The following PAQR5 variants were observed in gnomAD, a reference collection of about 807,000 sequenced individuals.
PAQR5 encodes the protein progestin and adipoQ receptor family member 5.
Under a neutral mutation model 34.5 loss-of-function variants are expected in PAQR5, and 20 were observed. The observed-to-expected ratio is 0.58, with a 90% CI of 0.41 to 0.84. The LOEUF (loss-of-function observed/expected upper bound fraction) is 0.84, where lower values mean the gene tolerates loss of function less well. Among genes scored for constraint, PAQR5 ranks in the 40% least tolerant of loss-of-function variants. The pLI, the probability that PAQR5 is intolerant of heterozygous loss-of-function variation, is 0.00. For synonymous variants in PAQR5, 131 were observed against 155.6 expected (o/e 0.84, Z 1.18); for missense variants, 378 against 412.7 (o/e 0.92, Z 0.73).
intron 6 of PAQR5, 63 bp downstream of exon 6, chr15:69,389,843 TC>T (rs958872021): frequency 5.8e-5 from 91 of 1,563,198 alleles, no homozygotes; most frequent in Non-Finnish European, 7.8e-5. Context: ...CTCCCTGCAC[TC>T]TTTGAGGGAG....
chr15:69,392,215 T>A (rs2056296099), intron 6 of PAQR5: 2 of 157,410 alleles, frequency 1.3e-5, no homozygotes, highest in Admixed American at 1.3e-4. Context: ...TGACCTCAGA[T>A]GATCCACTCT....
chr15:69,300,661 T>C (rs2053536882), intron 1 of PAQR5, among the ~76,000 whole-genome samples: 3 of 25,958 alleles, frequency 1.2e-4, no homozygotes, highest in African/African-American at 2.9e-4. Context: ...TTTCTTTCTT[T>C]CTTTCATTCT....
intron 1 of PAQR5, among the ~76,000 whole-genome samples, chr15:69,317,534 T>C (rs921394152): frequency 3.3e-5 from 5 of 152,146 alleles, no homozygotes; most frequent in African/African-American, 1.2e-4. Flanking sequence ...CTGACCATTT[T>C]CCCCTCACCT....
At chr15:69,360,774 T>C (rs973489343) in intron 3 of PAQR5, among the ~76,000 whole-genome samples, 6 of 152,226 alleles carry the variant, frequency 3.9e-5, no homozygotes, top group African/African-American at 1.4e-4. Context: ...CCTTTGTTGA[T>C]GTCAAATTTC....
At chr15:69,312,529 T>C (rs2053855190) in intron 1 of PAQR5, among the ~76,000 whole-genome samples, 1 of 151,616 alleles carries the variant, frequency 6.6e-6, no homozygotes, top group South Asian at 2.1e-4. Context: ...CTTCTCTCTC[T>C]TCTGCTTGTC....
intron 8 of PAQR5, among the ~76,000 whole-genome samples, chr15:69,400,530 A>C (rs1427081532): frequency 6.6e-6 from 1 of 152,142 alleles, no homozygotes; most frequent in African/African-American, 2.4e-5. Context: ...CATTTCTACA[A>C]AAAATACAAA....
At chr15:69,343,084 G>A (rs149244338) in intron 2 of PAQR5, among the ~76,000 whole-genome samples, 5 of 152,326 alleles carry the variant, frequency 3.3e-5, no homozygotes, top group African/African-American at 9.6e-5. Flanking sequence ...CCAGACATCC[G>A]GTGGTGATTT....
rs560491893 is a variant in PAQR5 at position 69,308,815 on chromosome 15, A to G, written c.-277+9759A>G. On this transcript the variant is annotated intron_variant, in intron 1 of 8. Transcript: ENST00000395407. The stretch of plus-strand genomic sequence containing the variant: ...AGACAGCATGGAGGCAGCAGTGAGG[A>G]ACCTGGTGTAGCTTCCTCACTGAAT... Among the ~76,000 whole-genome samples the G allele has an allele frequency of 3.3e-4, 50 of 152,096 alleles. No homozygotes were observed. In the South Asian group the frequency reaches 8.3e-3, roughly 25 times the overall value.
intron 3 of PAQR5, among the ~76,000 whole-genome samples, chr15:69,360,625 C>T (rs2055207844): frequency 6.6e-6 from 1 of 152,130 alleles, no homozygotes; most frequent in Non-Finnish European, 1.5e-5. Context: ...GGCCTGGGAG[C>T]TCACAGGCAG....
chr15:69,330,678 C>T (rs769319963), intron 1 of PAQR5, among the ~76,000 whole-genome samples: 49 of 152,242 alleles, frequency 3.2e-4, no homozygotes, highest in Non-Finnish European at 6.2e-4. Flanking sequence ...GGTTACCCAC[C>T]CCCCAACCAC....
intron 3 of PAQR5, among the ~76,000 whole-genome samples, chr15:69,371,114 T>G: frequency 6.8e-6 from 1 of 148,098 alleles, no homozygotes; most frequent in South Asian, 2.1e-4. Flanking sequence ...TGATGTTAAA[T>G]TAAACCACTA....
intron 1 of PAQR5, among the ~76,000 whole-genome samples, chr15:69,317,379 C>G (rs1005990000): frequency 6.6e-6 from 1 of 152,156 alleles, no homozygotes; most frequent in Non-Finnish European, 1.5e-5. Flanking sequence ...ATGCCCTTTC[C>G]CATCTGTGCC....
At chr15:69,383,935 G>C (rs545437412) in intron 4 of PAQR5, among the ~76,000 whole-genome samples, 3 of 47,336 alleles carry the variant, frequency 6.3e-5, no homozygotes, top group African/African-American at 3.1e-4. Flanking sequence ...GGGTGAGTGG[G>C]CCTTTGTGTT....
chr15:69,362,618 C>T (rs1372211823), intron 3 of PAQR5, among the ~76,000 whole-genome samples: 1 of 152,180 alleles, frequency 6.6e-6, no homozygotes, highest in African/African-American at 2.4e-5. Flanking sequence ...GCTTTGGCTT[C>T]TGTAAAATGG....
chr15:69,376,887 CAG>C (rs1481019431), intron 3 of PAQR5, among the ~76,000 whole-genome samples: 1 of 152,186 alleles, frequency 6.6e-6, no homozygotes. Flanking sequence ...CCAGGATCCA[CAG>C]AGAGAAGGGA....
intron 2 of PAQR5, among the ~76,000 whole-genome samples, chr15:69,351,196 C>T (rs1041387803): frequency 6.6e-6 from 1 of 152,194 alleles, no homozygotes; most frequent in Non-Finnish European, 1.5e-5. Context: ...CATAATAAAT[C>T]AAAAACAATA....
intron 2 of PAQR5, among the ~76,000 whole-genome samples, chr15:69,340,295 A>G (rs1267343231): frequency 6.6e-6 from 1 of 152,170 alleles, no homozygotes; most frequent in Non-Finnish European, 1.5e-5. Context: ...ATATGTAACA[A>G]ACATCATAAA....
chr15:69,357,308 G>T (rs2055105628), intron 2 of PAQR5, among the ~76,000 whole-genome samples: 1 of 152,040 alleles, frequency 6.6e-6, no homozygotes, highest in South Asian at 2.1e-4. Flanking sequence ...CTGTCGTCCA[G>T]GCTGGAGTGT....
At chr15:69,397,681 C>A in intron 7 of PAQR5, 117 bp downstream of exon 7, 1 of 749,316 alleles carries the variant, frequency 1.3e-6, no homozygotes, top group South Asian at 1.5e-5. Flanking sequence ...AAACAGGAGT[C>A]GAGACCCAGG....
Sources: gnomAD v4.1 joint callset for allele counts (sites outside exome capture counted in the v4.1 genomes callset) on GRCh38, gnomAD v4.1.1 for gene constraint, MANE v1.5 for transcripts, NCBI Gene and HGNC (gene_info 2026-07-23, HGNC 2026-07-21) for gene names.